The following NFIX variants were observed in gnomAD, a reference collection of about 807,000 sequenced individuals.
NFIX encodes the protein nuclear factor I X.
A neutral mutation model predicts 53.3 loss-of-function variants in NFIX; 2 were observed. The observed-to-expected ratio is 0.04, with a 90% CI of 0.02 to 0.12. The LOEUF (loss-of-function observed/expected upper bound fraction) is 0.12. Among genes scored for constraint, NFIX ranks in the 10% least tolerant of loss-of-function variants. The pLI, the probability that NFIX is intolerant of heterozygous loss-of-function variation, is 1.00. For synonymous variants in NFIX, 244 were observed against 289.0 expected, an observed-to-expected ratio of 0.84 and a Z score of 1.58; for missense variants, 310 against 674.5, an observed-to-expected ratio of 0.46 and a Z score of 5.99.
Position 13,043,804 on chromosome 19 carries a change from G to A in NFIX, c.559+18252G>A, listed in dbSNP as rs544876319. 7.9e-5 allele frequency among the ~76,000 whole-genome samples: 12 copies of A among 152,236 alleles called. No individual in the cohort carries two copies. The South Asian group carries it at 2.5e-3, about 32-fold the overall frequency. On this transcript the variant is annotated intron_variant, in intron 2 of 10. Transcript: ENST00000592199. This position sits in a 1 kb window ranked among gnomAD's most constrained non-coding sequence, Gnocchi z 4.0. ...CCATGGCACTCTTATCTGTGTGCCT[G>A]AATATGCATGCTTATTCATCTCGAA...
chr19:13,044,284 T>G (rs1429566595), intron 2 of NFIX, among the ~76,000 whole-genome samples: 1 of 152,210 alleles, frequency 6.6e-6, no homozygotes, highest in African/African-American at 2.4e-5. Context: ...GTGTGGGCCA[T>G]CCAGTGTCTA....
intron 1 of NFIX, chr19:13,024,131 C>T (rs1398496973): frequency 3.1e-6 from 2 of 653,806 alleles, no homozygotes; most frequent in African/African-American, 4.4e-5. Context: ...AAAAAAAAAA[C>T]CAAACAAAAC....
Position 13,094,797 on chromosome 19 carries a change from T to G in NFIX, c.*148T>G. 9.8e-6 allele frequency: 8 copies of G among 818,606 alleles called. No individual in the cohort carries two copies. Among genetic ancestry groups the G allele is most frequent in the Middle Eastern group, 3.4e-4 (1 of 2,900 alleles). The allele number at this position is 818,606 out of a possible 1,614,324, so 50.7% of individuals were successfully genotyped here. A position where few individuals can be genotyped will look rare whatever the true frequency, so the allele number is the denominator to read the frequency against. ...CGTCGTCAGCCACTCAGCCCTTCTC[T>G]CCTCCAGCCCGGGGACCCCCGCGGG... On this transcript the variant is annotated 3_prime_UTR_variant, in exon 11 of 11. Coordinates refer to ENST00000592199, the MANE Select transcript of NFIX (RefSeq NM_001365902.3). This position sits in a 1 kb window ranked among gnomAD's most constrained non-coding sequence, Gnocchi z 4.3.
intron 8 of NFIX, chr19:13,082,311 G>A (rs2017521082): frequency 6.4e-6 from 1 of 157,334 alleles, no homozygotes; most frequent in East Asian, 1.8e-4. Flanking sequence ...CCAGTGCTCT[G>A]TAGGATGTTG....
chr19:13,055,037 G>A (rs999116216), intron 2 of NFIX, among the ~76,000 whole-genome samples: 1 of 151,970 alleles, frequency 6.6e-6, no homozygotes, highest in Non-Finnish European at 1.5e-5. Context: ...GTGATGGGTG[G>A]GGCCCACTTT....
In NFIX at chr19:13,009,981, C is replaced by CG. The variant is rs997587824; in HGVS notation, c.27+14124dup. ...CAGGTGGAGTGGCCCACCTTGGGCC[C>CG]GGGGGGGCCTCCAGGAGCCCCCTGG... On this transcript the variant is annotated intron_variant, in intron 1 of 10. Coordinates refer to ENST00000592199, the MANE Select transcript of NFIX (RefSeq NM_001365902.3). This position sits in a 1 kb window ranked among gnomAD's most constrained non-coding sequence, Gnocchi z 4.7. 1.4e-4 allele frequency among the ~76,000 whole-genome samples: 22 copies of CG among 152,178 alleles called. No individual in the cohort carries two copies. The highest frequency in any genetic ancestry group is 2.6e-4 in the Admixed American group (4 of 15,286).
At chr19:13,008,688 C>G (rs1024050735) in intron 1 of NFIX, among the ~76,000 whole-genome samples, 1 of 152,212 alleles carries the variant, frequency 6.6e-6, no homozygotes, top group Non-Finnish European at 1.5e-5. Context: ...GGGTACGCAT[C>G]CCTCACTGAA....
intron 5 of NFIX, among the ~76,000 whole-genome samples, chr19:13,074,708 T>A (rs1210956173): frequency 6.6e-6 from 1 of 151,094 alleles, no homozygotes; most frequent in Non-Finnish European, 1.5e-5. Flanking sequence ...ACTCCACTTT[T>A]TTTTTTTTTT....
chr19:13,000,983 C>G (rs561579953), intron 1 of NFIX, among the ~76,000 whole-genome samples: 1 of 152,302 alleles, frequency 6.6e-6, no homozygotes, highest in Admixed American at 6.5e-5. Flanking sequence ...TTGTCTCCCC[C>G]ACCCCCATGA....
chr19:13,023,485 C>A (rs898317050), intron 1 of NFIX, among the ~76,000 whole-genome samples: 1 of 152,010 alleles, frequency 6.6e-6, no homozygotes, highest in East Asian at 1.9e-4. Context: ...CTGCCAAAGC[C>A]GAAAGCCTTT....
At chr19:12,999,078 C>T (rs959287940) in intron 1 of NFIX, among the ~76,000 whole-genome samples, 3 of 152,102 alleles carry the variant, frequency 2.0e-5, no homozygotes, top group Admixed American at 2.0e-4. Flanking sequence ...TCACATGGAC[C>T]CAAGGACGGA....
chr19:13,023,883 A>G (rs1599734817), intron 1 of NFIX: 1 of 666,632 alleles, frequency 1.5e-6, no homozygotes, highest in Non-Finnish European at 2.6e-6. Context: ...CCTATTCCCC[A>G]GAACACCAAT....
chr19:13,084,051 T>G (rs2017630378), intron 8 of NFIX, among the ~76,000 whole-genome samples: 1 of 152,200 alleles, frequency 6.6e-6, no homozygotes. Flanking sequence ...GACTAAGAAT[T>G]AGCATTTTTC....
rs140745819 is a variant in NFIX, at chr19:12,998,418, G to A, written c.27+2554G>A. Among the ~76,000 whole-genome samples the A allele has an allele frequency of 1.6e-4, 24 of 152,156 alleles. No individual in the cohort carries two copies. The highest frequency in any genetic ancestry group is 2.6e-4 in the Non-Finnish European group (18 of 68,010). On this transcript the variant is annotated intron_variant, in intron 1 of 10. Coordinates refer to ENST00000592199, the MANE Select transcript of NFIX (RefSeq NM_001365902.3). The surrounding 1 kb of genome is among the most constrained non-coding windows in gnomAD (Gnocchi z 4.4). ...TGAGCAGGAACGAGCTTGGAGCAGC[G>A]GGGCCCTGGCGGGGAAAGGTACTGT...
chr19:13,018,932 C>T (rs999767666), intron 1 of NFIX, among the ~76,000 whole-genome samples: 1 of 152,194 alleles, frequency 6.6e-6, no homozygotes, highest in African/African-American at 2.4e-5. Flanking sequence ...TTCCCATGTC[C>T]TTTCATACCC....
Position 13,043,899 on chromosome 19 carries a change from A to G in NFIX, c.559+18347A>G, listed in dbSNP as rs2014805595. ...TAGCACTTTGGGAGGCCGATGTGGG[A>G]GGATCATTTGAGCCCAGGAGTTCGA... On this transcript the variant is annotated intron_variant, in intron 2 of 10. Transcript: ENST00000592199. This position sits in a 1 kb window ranked among gnomAD's most constrained non-coding sequence, Gnocchi z 4.0. 3.9e-5 allele frequency among the ~76,000 whole-genome samples: 6 copies of G among 152,090 alleles called. No individual in the cohort carries two copies. The highest frequency in any genetic ancestry group is 3.9e-4 in the Admixed American group (6 of 15,268).
At chr19:13,016,830 C>T (rs562421811) in intron 1 of NFIX, among the ~76,000 whole-genome samples, 1 of 152,254 alleles carries the variant, frequency 6.6e-6, no homozygotes, top group South Asian at 2.1e-4. Context: ...CCTTGCCGGG[C>T]TCCTTCCTTT....
At chr19:13,050,367 C>T (rs1230543246) in intron 2 of NFIX, among the ~76,000 whole-genome samples, 1 of 152,220 alleles carries the variant, frequency 6.6e-6, no homozygotes, top group East Asian at 1.9e-4. Context: ...GCCTGGCTGT[C>T]ACCTCCTTGG....
In NFIX at chr19:13,002,090, C is replaced by T. The variant is rs1008415342; in HGVS notation, c.27+6226C>T. Among the ~76,000 whole-genome samples, 1 of 152,176 alleles carries T rather than the reference C, an allele frequency of 6.6e-6. No homozygotes were observed. The highest frequency in any genetic ancestry group is 2.4e-5 in the African/African-American group (1 of 41,442). ...GCCTGAGCCCACTATCCCCGCTGCC[C>T]CCACAGCCAGGCAGGCCCTGGGCCC... On this transcript the variant is annotated intron_variant, in intron 1 of 10. Coordinates refer to ENST00000592199, the MANE Select transcript of NFIX (RefSeq NM_001365902.3). The surrounding 1 kb of genome is among the most constrained non-coding windows in gnomAD (Gnocchi z 6.1).
Sources: allele counts gnomAD v4.1 joint callset (sites outside exome capture counted in the v4.1 genomes callset), GRCh38; gene constraint gnomAD v4.1.1; non-coding constraint Gnocchi (gnomAD v3.1); transcripts MANE v1.5; gene names NCBI Gene and HGNC (gene_info 2026-07-23, HGNC 2026-07-21).